NCOA2: variants seen among roughly 807,000 people sequenced by gnomAD.
The protein encoded by NCOA2 is nuclear receptor coactivator 2, also known as class E basic helix-loop-helix protein 75.
A neutral mutation model predicts 145.1 loss-of-function variants in NCOA2; 21 were observed. That is an observed-to-expected ratio of 0.14 (90% CI 0.10 to 0.21). The LOEUF (loss-of-function observed/expected upper bound fraction) is 0.21, where lower values mean the gene tolerates loss of function less well. Ranked by LOEUF, NCOA2 falls within the 10% of genes least tolerant of loss-of-function variation. NCOA2 has a pLI of 1.00. For synonymous variants in NCOA2, 619 were observed against 637.5 expected (o/e 0.97, Z 0.44); for missense variants, 1,472 against 1,837.6 (o/e 0.80, Z 3.64).
intron 2 of NCOA2, among the ~76,000 whole-genome samples, chr8:70,289,537 T>C (rs1480729320): frequency 1.3e-5 from 2 of 152,176 alleles, no homozygotes; most frequent in African/African-American, 4.8e-5. Flanking sequence ...GGTTCTGTCA[T>C]ACTGATAGTT....
intron 2 of NCOA2, among the ~76,000 whole-genome samples, chr8:70,227,799 G>C (rs182342398): frequency 1.2e-3 from 184 of 152,172 alleles, no homozygotes; most frequent in African/African-American, 4.0e-3. Flanking sequence ...TGGATCACCG[G>C]AGGTCAGGAG....
chr8:70,405,986 G>A (rs542391793), upstream of NCOA2, among the ~76,000 whole-genome samples: 1 of 152,226 alleles, frequency 6.6e-6, no homozygotes, highest in Admixed American at 6.5e-5. Flanking sequence ...ACTTAAACGC[G>A]CTCTGGTACA....
intron 8 of NCOA2, 59 bp from the exon 9 acceptor site, chr8:70,162,913 T>A: frequency 8.2e-7 from 1 of 1,218,826 alleles, no homozygotes; most frequent in Non-Finnish European, 1.1e-6. Context: ...TGGAAATAAT[T>A]TTTTTTTTTT....
chr8:70,343,290 T>C (rs533565630), intron 1 of NCOA2, among the ~76,000 whole-genome samples: 287 of 152,264 alleles, frequency 1.9e-3, no homozygotes, highest in Admixed American at 3.7e-3. Context: ...CATTCTGTCA[T>C]ACATAATATC....
intron 11 of NCOA2, among the ~76,000 whole-genome samples, chr8:70,153,623 C>T (rs1347922766): frequency 6.6e-6 from 1 of 152,160 alleles, no homozygotes; most frequent in Non-Finnish European, 1.5e-5. Context: ...CAGCATGTGT[C>T]AAGAGACCGG....
intron 2 of NCOA2, among the ~76,000 whole-genome samples, chr8:70,228,155 C>G (rs899132862): frequency 1.3e-5 from 2 of 152,058 alleles, no homozygotes; most frequent in Non-Finnish European, 2.9e-5. Flanking sequence ...TGAATCAAAA[C>G]CCTTAATTTA....
intron 4 of NCOA2, among the ~76,000 whole-genome samples, chr8:70,181,240 C>G (rs573069965): frequency 2.6e-5 from 4 of 152,180 alleles, no homozygotes; most frequent in Admixed American, 1.3e-4. Flanking sequence ...CAGTGGCAAC[C>G]ACTACTGATT....
chr8:70,241,745 T>C (rs1028094840), intron 2 of NCOA2, among the ~76,000 whole-genome samples: 5 of 152,088 alleles, frequency 3.3e-5, no homozygotes, highest in African/African-American at 1.2e-4. Context: ...TGACTTTACC[T>C]CTCCATGTCT....
At chr8:70,210,933 T>C (rs1818952892) in intron 4 of NCOA2, among the ~76,000 whole-genome samples, 1 of 152,162 alleles carries the variant, frequency 6.6e-6, no homozygotes, top group Non-Finnish European at 1.5e-5. Context: ...AAATACAAAT[T>C]AAGTCTGGAT....
intron 2 of NCOA2, among the ~76,000 whole-genome samples, chr8:70,244,754 A>G (rs768988022): frequency 1.5e-4 from 22 of 151,262 alleles, no homozygotes; most frequent in Non-Finnish European, 2.4e-4. Context: ...TCCTACAAAC[A>G]AGCGTGACAC....
At position 70,213,961 on chromosome 8, in the gene NCOA2, A is replaced by G. The variant is rs557435092; in HGVS notation, c.201T>C (p.Pro67=). 6.2e-7 allele frequency: 1 copy of G among 1,612,226 alleles called. No individual in the cohort carries two copies. Among genetic ancestry groups the G allele is most frequent in the African/African-American group, 1.3e-5 (1 of 74,978 alleles). ...FNDIDNFNFK[P]DKCAILKETV... is the part of the protein sequence containing the mutation. ...TTTCTTTTAAGATTGCACATTTGTCAGGTTTGAAGTTAAAGTTGTCTATAT... is the reference window on the plus strand; with the variant it reads ...TTTCTTTTAAGATTGCACATTTGTCGGGTTTGAAGTTAAAGTTGTCTATAT... Residue 67 remains proline, a synonymous_variant, in exon 4 of 23, where the codon CCT becomes CCC. Coordinates refer to ENST00000452400, the MANE Select transcript of NCOA2 (RefSeq NM_006540.4).
At chr8:70,173,275 T>C (rs180994600) in intron 5 of NCOA2, among the ~76,000 whole-genome samples, 115 of 152,326 alleles carry the variant, frequency 7.5e-4, no homozygotes, top group Non-Finnish European at 1.4e-3. Context: ...AGCATTTCTA[T>C]TTAGAAGTAT....
intron 7 of NCOA2, among the ~76,000 whole-genome samples, chr8:70,165,160 G>A (rs1351356849): frequency 6.6e-6 from 1 of 152,134 alleles, no homozygotes; most frequent in Non-Finnish European, 1.5e-5. Context: ...TAAATTAGCA[G>A]CACTTACTCC....
At chr8:70,439,997 C>G in the NCOA2 span, among the ~76,000 whole-genome samples, 1 of 152,226 alleles carries the variant, frequency 6.6e-6, no homozygotes, top group East Asian at 1.9e-4. Flanking sequence ...GAAAAGGCCA[C>G]TGAGAGACCC....
At chr8:70,341,288 G>C (rs1808121877) in intron 1 of NCOA2, among the ~76,000 whole-genome samples, 1 of 152,074 alleles carries the variant, frequency 6.6e-6, no homozygotes, top group Non-Finnish European at 1.5e-5. Context: ...AGCTACTTGG[G>C]AGGTGGGAGG....
At chr8:70,154,100 T>C (rs1357805516) in intron 11 of NCOA2, among the ~76,000 whole-genome samples, 3 of 152,220 alleles carry the variant, frequency 2.0e-5, no homozygotes, top group Non-Finnish European at 4.4e-5. Context: ...GGGTTAGCTC[T>C]ACCGACTCAG....
At chr8:70,242,031 A>G (rs1446892628) in intron 2 of NCOA2, among the ~76,000 whole-genome samples, 1 of 152,092 alleles carries the variant, frequency 6.6e-6, no homozygotes, top group Admixed American at 6.6e-5. Flanking sequence ...ACTAAAAATA[A>G]AAAGGCTATT....
intron 11 of NCOA2, among the ~76,000 whole-genome samples, chr8:70,154,291 G>GTA (rs1812059526): frequency 2.0e-5 from 3 of 152,224 alleles, no homozygotes; most frequent in Admixed American, 6.5e-5. Flanking sequence ...CAGATAAGAA[G>GTA]TATAGGGCAT....
At chr8:70,189,256 T>C (rs1381031849) in intron 4 of NCOA2, among the ~76,000 whole-genome samples, 1 of 152,214 alleles carries the variant, frequency 6.6e-6, no homozygotes, top group Non-Finnish European at 1.5e-5. Flanking sequence ...GTGACGGGCC[T>C]TCTTGGTTCA....
Sources: allele counts gnomAD v4.1 joint callset (sites outside exome capture counted in the v4.1 genomes callset), GRCh38; gene constraint gnomAD v4.1.1; transcripts MANE v1.5; gene names NCBI Gene and HGNC (gene_info 2026-07-23, HGNC 2026-07-21).